Variants in ZBTB20 observed in about 807,000 individuals in gnomAD.
ZBTB20 encodes the protein zinc finger and BTB domain containing 20.
In ZBTB20, 9 loss-of-function variants were observed where a neutral mutation model predicts 56.9. The ratio of observed to expected loss-of-function variants is 0.16; its 90% CI spans 0.10 to 0.28. The LOEUF is 0.28. Ranked by LOEUF, ZBTB20 falls within the 10% of genes least tolerant of loss-of-function variation. ZBTB20 has a pLI of 1.00. For missense variants in ZBTB20, 655 were observed against 1,003.0 expected (o/e 0.65, Z 4.69); for synonymous variants, 417 against 420.7 (o/e 0.99, Z 0.11).
intron 5 of ZBTB20, among the ~76,000 whole-genome samples, chr3:114,764,898 T>C (rs749180501): frequency 2.6e-5 from 4 of 152,170 alleles, no homozygotes; most frequent in Non-Finnish European, 5.9e-5. Flanking sequence ...GTTGCCCAAA[T>C]ACATCATTAC....
chr3:114,755,406 TAAAGTA>T (rs1334408684), intron 5 of ZBTB20, among the ~76,000 whole-genome samples: 1 of 152,238 alleles, frequency 6.6e-6, no homozygotes, highest in South Asian at 2.1e-4. Context: ...ACAATCTGCT[TAAAGTA>T]AAAGTGGAAG....
rs138058008 is a variant in ZBTB20, at chr3:114,403,339, G to C, written c.-254-14234C>G. Among the ~76,000 whole-genome samples, 380 of 152,162 alleles carry C rather than the reference G, an allele frequency of 2.5e-3. 3 individuals carry two copies. Among genetic ancestry groups the C allele is most frequent in the African/African-American group, 8.6e-3 (355 of 41,518 alleles). On this transcript the variant is annotated intron_variant, in intron 7 of 11. Coordinates refer to ENST00000675478, the MANE Select transcript of ZBTB20 (RefSeq NM_001348800.3). ...CCAAGTACAGCTGGTTTTGAACCTA[G>C]TAAGAAATCAGTCTGTAGTAATGGG...
chr3:115,130,001 T>C (rs990205620), intron 1 of ZBTB20, among the ~76,000 whole-genome samples: 9 of 152,164 alleles, frequency 5.9e-5, no homozygotes, highest in Non-Finnish European at 7.4e-5. Context: ...TAAATGTCCA[T>C]TAAGTGTAAA....
At chr3:114,917,193 C>CAGTTG (rs1445616954) in intron 3 of ZBTB20, among the ~76,000 whole-genome samples, 2 of 152,160 alleles carry the variant, frequency 1.3e-5, no homozygotes, top group African/African-American at 4.8e-5. Context: ...CTGCATTTTT[C>CAGTTG]ACCTCCAGAA....
intron 7 of ZBTB20, among the ~76,000 whole-genome samples, chr3:114,460,707 C>T (rs2092291210): frequency 6.6e-6 from 1 of 152,190 alleles, no homozygotes; most frequent in African/African-American, 2.4e-5. Context: ...TTTTAAACCA[C>T]CAAGCTTGTG....
chr3:114,376,069 C>T (rs1237129341), intron 10 of ZBTB20, among the ~76,000 whole-genome samples: 5 of 152,164 alleles, frequency 3.3e-5, no homozygotes, highest in South Asian at 2.1e-4. Flanking sequence ...GTGACTGGCA[C>T]GGAAGTCCGG....
intron 1 of ZBTB20, among the ~76,000 whole-genome samples, chr3:115,115,830 C>T (rs538083742): frequency 6.6e-6 from 1 of 151,932 alleles, no homozygotes; most frequent in Non-Finnish European, 1.5e-5. Context: ...GATTTTAATG[C>T]CTTACCAATG....
At chr3:114,382,656 C>T (rs563231717) in intron 8 of ZBTB20, among the ~76,000 whole-genome samples, 61 of 152,258 alleles carry the variant, frequency 4.0e-4, no homozygotes, top group African/African-American at 1.4e-3. Context: ...GGTCTTTCTC[C>T]GAAATGCCTA....
chr3:114,912,676 G>T (rs2075589034), intron 3 of ZBTB20, among the ~76,000 whole-genome samples: 1 of 151,444 alleles, frequency 6.6e-6, no homozygotes, highest in Non-Finnish European at 1.5e-5. Flanking sequence ...CACCCTGTTG[G>T]GTGATCAAAT....
chr3:115,129,086 G>A (rs1391572972), intron 1 of ZBTB20, among the ~76,000 whole-genome samples: 2 of 151,746 alleles, frequency 1.3e-5, no homozygotes, highest in Non-Finnish European at 2.9e-5. Context: ...GCGACAAAGC[G>A]AGACTCCGTC....
chr3:114,886,336 G>A lies in ZBTB20; in HGVS notation c.-417+13968C>T, dbSNP rs554939472. Among the ~76,000 whole-genome samples, 499 of 152,254 alleles carry A rather than the reference G, an allele frequency of 3.3e-3. 4 individuals are homozygous for A. The highest frequency in any genetic ancestry group is 0.011 in the African/African-American group (468 of 41,542). On this transcript the variant is annotated intron_variant, in intron 4 of 11. Coordinates refer to ENST00000675478, the MANE Select transcript of ZBTB20 (RefSeq NM_001348800.3). ...TCATTTAATGGATGTGTATTTGTAC[G>A]TATGGCCATATCCATAGTTCTCTAA...
chr3:114,621,547 C>G (rs2058321092), intron 6 of ZBTB20, among the ~76,000 whole-genome samples: 1 of 152,008 alleles, frequency 6.6e-6, no homozygotes, highest in South Asian at 2.1e-4. Flanking sequence ...CTAAAAACCA[C>G]TTCTATATAA....
rs541821789 is a variant in ZBTB20 at position 114,499,830 on chromosome 3, C to T, written c.-255+522G>A. Among the ~76,000 whole-genome samples, 21 of 151,808 alleles carry T rather than the reference C, an allele frequency of 1.4e-4. No homozygotes were observed. In the East Asian group the frequency reaches 3.7e-3, roughly 27 times the overall value. On this transcript the variant is annotated intron_variant, in intron 7 of 11. Transcript: ENST00000675478. ...GTGAATCTGGGATTTCTTTTTTTCC[C>T]CTGTAGACTTCATAATTTTGCACAA...
chr3:114,596,255 A>G (rs1012717791), intron 6 of ZBTB20, among the ~76,000 whole-genome samples: 4 of 152,190 alleles, frequency 2.6e-5, no homozygotes, highest in Non-Finnish European at 5.9e-5. Flanking sequence ...AAACAAACGA[A>G]AACTACCTAG....
At chr3:115,078,553 T>C (rs1214023485) in intron 1 of ZBTB20, among the ~76,000 whole-genome samples, 1 of 151,258 alleles carries the variant, frequency 6.6e-6, no homozygotes, top group Non-Finnish European at 1.5e-5. Context: ...ACATATTTCA[T>C]ACATTTTAGT....
At chr3:115,004,927 T>C (rs1036793259) in intron 2 of ZBTB20, among the ~76,000 whole-genome samples, 9 of 151,726 alleles carry the variant, frequency 5.9e-5, no homozygotes, top group Non-Finnish European at 1.2e-4. Flanking sequence ...ATGCAACTTA[T>C]TTACTTATCC....
intron 7 of ZBTB20, among the ~76,000 whole-genome samples, chr3:114,392,611 T>C (rs1440929398): frequency 6.6e-6 from 1 of 152,264 alleles, no homozygotes; most frequent in Non-Finnish European, 1.5e-5. Flanking sequence ...TCTGCTATTA[T>C]GCCACATTAA....
chr3:114,870,523 A>G (rs977400745), intron 4 of ZBTB20, among the ~76,000 whole-genome samples: 2 of 151,576 alleles, frequency 1.3e-5, no homozygotes, highest in African/African-American at 4.9e-5. Flanking sequence ...CTACTGACTA[A>G]AAAGGACTGA....
intron 1 of ZBTB20, among the ~76,000 whole-genome samples, chr3:115,075,444 C>G (rs901802224): frequency 6.6e-6 from 1 of 152,120 alleles, no homozygotes; most frequent in Non-Finnish European, 1.5e-5. Context: ...GCCATGTTGT[C>G]TCATTGCAGT....
Sources: allele counts gnomAD v4.1 joint callset (sites outside exome capture counted in the v4.1 genomes callset), GRCh38; gene constraint gnomAD v4.1.1; transcripts MANE v1.5; gene names NCBI Gene and HGNC (gene_info 2026-07-23, HGNC 2026-07-21).